The following CWF19L1 variants were observed in gnomAD, a reference collection of about 807,000 sequenced individuals.
CWF19L1 encodes the protein CWF19-like protein 1.
A neutral mutation model predicts 69.7 loss-of-function variants in CWF19L1; 60 were observed. The ratio of observed to expected loss-of-function variants is 0.86; its 90% CI spans 0.70 to 1.07. The LOEUF (loss-of-function observed/expected upper bound fraction) is 1.07, where lower values mean the gene tolerates loss of function less well. CWF19L1 is among the 50% of genes least tolerant of loss of function. CWF19L1 has a pLI of 0.00. For synonymous variants in CWF19L1, 209 were observed against 222.2 expected (o/e 0.94, Z 0.53); for missense variants, 591 against 638.9 (o/e 0.92, Z 0.81).
chr10:100,235,287 T>C (rs1846396256), intron 13 of CWF19L1, among the ~76,000 whole-genome samples: 1 of 152,234 alleles, frequency 6.6e-6, no homozygotes, highest in Non-Finnish European at 1.5e-5. Context: ...GTAAAGTTCT[T>C]GGTACAGTTC....
intron 1 of CWF19L1, among the ~76,000 whole-genome samples, chr10:100,266,345 A>AT (rs67561203): frequency 0.02 from 2,815 of 143,644 alleles, 39 homozygotes; most frequent in South Asian, 0.093. Context: ...CGCCCGGCTA[A>AT]TTTTTTTTTT....
At chr10:100,262,414 ATT>A in intron 1 of CWF19L1, 1 of 880,272 alleles carries the variant, frequency 1.1e-6, no homozygotes, top group Non-Finnish European at 1.3e-6. Flanking sequence ...CATCTTTCAC[ATT>A]CATTCTATCC....
rs929265696 is a variant in CWF19L1, at chr10:100,232,802, C to T, written c.*425G>A. On this transcript the variant is annotated 3_prime_UTR_variant, in exon 14 of 14. Coordinates refer to ENST00000354105, the MANE Select transcript of CWF19L1 (RefSeq NM_018294.6). ...TGTAGGCAAGTTCCATGGGACTGCA[C>T]AAAAGAGGCAGGGAAACAGTCCCCA... is the stretch of plus-strand genomic sequence containing the variant. The T allele has an allele frequency of 2.6e-5, 4 of 152,658 alleles. No homozygotes were observed. Among genetic ancestry groups the T allele is most frequent in the African/African-American group, 9.7e-5 (4 of 41,448 alleles). 9.5% of individuals were successfully genotyped at this position (152,658 alleles called of 1,614,324 possible).
In CWF19L1 at chr10:100,246,777, C is replaced by G; in HGVS notation, c.849+18G>C. On this transcript the variant is annotated intron_variant, in intron 8 of 13. Transcript: ENST00000354105. ...AAAAGAACACATATAAAAATGCCAA[C>G]CCTCAATCAGAACATACCACAGGGG... The G allele has an allele frequency of 6.3e-7, 1 of 1,599,046 alleles. No homozygotes were observed. Among genetic ancestry groups the G allele is most frequent in the African/African-American group, 1.3e-5 (1 of 74,670 alleles).
At chr10:100,234,925 A>T (rs1456544744) in intron 13 of CWF19L1, among the ~76,000 whole-genome samples, 6 of 152,346 alleles carry the variant, frequency 3.9e-5, no homozygotes, top group African/African-American at 1.2e-4. Context: ...TTTGAGGTCC[A>T]ACAGGCCTGG....
chr10:100,265,938 T>G (rs999072212), intron 1 of CWF19L1, among the ~76,000 whole-genome samples: 1 of 152,192 alleles, frequency 6.6e-6, no homozygotes, highest in Non-Finnish European at 1.5e-5. Flanking sequence ...TTAGCCTAGG[T>G]GTACAGGAAG....
Position 100,233,250 on chromosome 10 carries a change from A to G in CWF19L1, c.1594T>C (p.Tyr532His). ...ARRFRKDFEP[Y>H]DFTLDD Reference sequence around the variant, plus strand: ...TTTTAGTCATCCAGAGTAAAGTCATAGGGCTCAAAGTCTTTCCGGAAGCGG... The same window carrying G: ...TTTTAGTCATCCAGAGTAAAGTCATGGGGCTCAAAGTCTTTCCGGAAGCGG... Residue 532 changes from tyrosine (Y) to histidine (H), a missense_variant, in exon 14 of 14, where the codon TAT becomes CAT. This residue lies in a region of CWF19L1 where 458 missense variants were observed against 489.3 expected (regional missense o/e 0.94). Coordinates refer to ENST00000354105, the MANE Select transcript of CWF19L1 (RefSeq NM_018294.6). 1 of 1,613,196 alleles carries G rather than the reference A, an allele frequency of 6.2e-7. No homozygotes were observed. Among genetic ancestry groups the G allele is most frequent in the South Asian group, 1.1e-5 (1 of 90,934 alleles).
intron 13 of CWF19L1, among the ~76,000 whole-genome samples, 189 bp downstream of exon 13, chr10:100,235,478 A>G (rs1846402790): frequency 6.6e-6 from 1 of 151,904 alleles, no homozygotes; most frequent in Non-Finnish European, 1.5e-5. Flanking sequence ...GTTCTCCAAA[A>G]CTCTGTCATG....
At chr10:100,257,569 A>G (rs185019991) in intron 4 of CWF19L1, among the ~76,000 whole-genome samples, 49 of 152,026 alleles carry the variant, frequency 3.2e-4, no homozygotes, top group African/African-American at 1.1e-3. Context: ...AGGTGCTAGG[A>G]TTACAGGTGT....
chr10:100,237,068 G>C (rs891598441), intron 11 of CWF19L1, 99 bp from the exon 12 acceptor site: 3 of 1,345,222 alleles, frequency 2.2e-6, no homozygotes, highest in Non-Finnish European at 3.1e-6. Flanking sequence ...CAGGGGTGGA[G>C]AAACACCCCT....
At chr10:100,258,226 G>GA (rs1847277690) in intron 4 of CWF19L1, among the ~76,000 whole-genome samples, 1 of 152,134 alleles carries the variant, frequency 6.6e-6, no homozygotes, top group Non-Finnish European at 1.5e-5. Context: ...CAACAAGAGC[G>GA]AAAGTCCATC....
chr10:100,259,852 TA>T (rs1229865578), intron 4 of CWF19L1, among the ~76,000 whole-genome samples: 1 of 152,146 alleles, frequency 6.6e-6, no homozygotes, highest in Non-Finnish European at 1.5e-5. Context: ...CTGAGAACAC[TA>T]TATTATGTTC....
intron 10 of CWF19L1, among the ~76,000 whole-genome samples, chr10:100,240,884 A>T (rs1846613251): frequency 6.6e-6 from 1 of 152,018 alleles, no homozygotes; most frequent in Non-Finnish European, 1.5e-5. Context: ...AGAGCTTCTC[A>T]AGTTTGCTCT....
intron 12 of CWF19L1, among the ~76,000 whole-genome samples, chr10:100,236,101 C>CTTT (rs781285945): frequency 1.8e-4 from 24 of 131,360 alleles, no homozygotes; most frequent in African/African-American, 4.8e-4. Flanking sequence ...TCCACTGCCT[C>CTTT]TTTTTTTTTT....
intron 13 of CWF19L1, among the ~76,000 whole-genome samples, chr10:100,234,930 G>A (rs1273123804): frequency 6.6e-6 from 1 of 152,144 alleles, no homozygotes; most frequent in Non-Finnish European, 1.5e-5. Flanking sequence ...GGTCCAACAG[G>A]CCTGGGTTTG....
intron 7 of CWF19L1, among the ~76,000 whole-genome samples, chr10:100,249,631 C>G (rs1040765361): frequency 6.6e-5 from 10 of 152,126 alleles, no homozygotes; most frequent in Admixed American, 6.5e-5. Context: ...GTCACCCAGG[C>G]TGGAGTGCAG....
At chr10:100,264,335 G>A (rs1847500971) in intron 1 of CWF19L1, among the ~76,000 whole-genome samples, 1 of 151,960 alleles carries the variant, frequency 6.6e-6, no homozygotes. Context: ...CACAAGGTCA[G>A]GAGCTCGAGA....
rs1847166735 is a variant in CWF19L1 at position 100,255,154 on chromosome 10, C to T, written c.504+1108G>A. Among the ~76,000 whole-genome samples the T allele has an allele frequency of 3.3e-5, 5 of 152,244 alleles. 1 individual carries two copies. The highest frequency in any genetic ancestry group is 9.6e-5 in the African/African-American group (4 of 41,460). On this transcript the variant is annotated intron_variant, in intron 5 of 13. Coordinates refer to ENST00000354105, the MANE Select transcript of CWF19L1 (RefSeq NM_018294.6). ...AAATCTTCCTTAGGCTTACTTCCACCAGTGTAGCGTTTCACTCCCCATGAT... is the reference window on the plus strand; with the variant it reads ...AAATCTTCCTTAGGCTTACTTCCACTAGTGTAGCGTTTCACTCCCCATGAT...
chr10:100,250,408 A>G (rs2134299892), intron 6 of CWF19L1, 76 bp from the exon 7 acceptor site: 1 of 873,786 alleles, frequency 1.1e-6, no homozygotes, highest in South Asian at 1.3e-5. Flanking sequence ...TGTGGACTCT[A>G]TGGGGCCATA....
Sources: gnomAD v4.1 joint callset for allele counts (sites outside exome capture counted in the v4.1 genomes callset) on GRCh38, gnomAD v4.1.1 for gene constraint, gnomAD v4.1.1 regional missense constraint, MANE v1.5 for transcripts, NCBI Gene and HGNC (gene_info 2026-07-23, HGNC 2026-07-21) for gene names.